Variants in HSD17B12 observed in about 807,000 individuals in gnomAD.
HSD17B12 encodes the protein hydroxysteroid 17-beta dehydrogenase 12.
Under a neutral mutation model 39.3 loss-of-function variants are expected in HSD17B12, and 32 were observed. The observed-to-expected ratio is 0.81, with a 90% CI of 0.61 to 1.09. The LOEUF (loss-of-function observed/expected upper bound fraction) is 1.09. Among genes scored for constraint, HSD17B12 ranks in the 50% least tolerant of loss-of-function variants. HSD17B12 has a pLI of 0.00. For synonymous variants in HSD17B12, 150 were observed against 146.7 expected, an observed-to-expected ratio of 1.02 and a Z score of -0.16; for missense variants, 342 against 382.9, an observed-to-expected ratio of 0.89 and a Z score of 0.89.
At chr11:43,735,472 CTG>C (rs1950308304) in intron 1 of HSD17B12, among the ~76,000 whole-genome samples, 3 of 152,270 alleles carry the variant, frequency 2.0e-5, no homozygotes, top group Admixed American at 6.5e-5. Context: ...TAGTGTGTCA[CTG>C]TAGTTTTGAT....
At position 43,777,506 on chromosome 11, in the gene HSD17B12, G is replaced by T. The variant is rs577506105; in HGVS notation, c.284-20814G>T. Among the ~76,000 whole-genome samples, 13 of 152,268 alleles carry T rather than the reference G, an allele frequency of 8.5e-5. No individual in the cohort carries two copies. In the East Asian group the frequency reaches 2.5e-3, roughly 29 times the overall value. ...GCTTATCAGCTTAAGGAGATTTTGGGCTGAGACAATGGGGTTTTCTAGATA... is the reference window on the plus strand; with the variant it reads ...GCTTATCAGCTTAAGGAGATTTTGGTCTGAGACAATGGGGTTTTCTAGATA... On this transcript the variant is annotated intron_variant, in intron 3 of 10. Transcript: ENST00000278353.
chr11:43,774,992 C>T (rs375602490), intron 3 of HSD17B12, among the ~76,000 whole-genome samples: 18 of 152,128 alleles, frequency 1.2e-4, no homozygotes, highest in East Asian at 7.7e-4. Flanking sequence ...CTCTGGTGGG[C>T]CTCACCCAAT....
rs112543695 is a variant in HSD17B12 at position 43,716,326 on chromosome 11, A to G, written c.161-34585A>G. Among the ~76,000 whole-genome samples, 1,154 of 152,332 alleles carry G rather than the reference A, an allele frequency of 7.6e-3. 14 individuals are homozygous for G. The highest frequency in any genetic ancestry group is 0.027 in the African/African-American group (1,104 of 41,570). ...GTAGGAATTTTGTTTGAAAGTTGGT[A>G]TGCTTTTCTGAATGTCCTTAAGTAT... On this transcript the variant is annotated intron_variant, in intron 1 of 10. Transcript: ENST00000278353.
intron 1 of HSD17B12, among the ~76,000 whole-genome samples, chr11:43,742,950 T>C (rs1950382562): frequency 6.6e-6 from 1 of 152,202 alleles, no homozygotes; most frequent in Non-Finnish European, 1.5e-5. Context: ...ATTTGTACAA[T>C]GTAAAGTCAT....
At chr11:43,657,689 G>T in the HSD17B12 span, among the ~76,000 whole-genome samples, 6 of 152,114 alleles carry the variant, frequency 3.9e-5, 1 homozygote, top group Admixed American at 3.9e-4. Context: ...ATGAAATTCT[G>T]GGTTGAAAAT....
At chr11:43,787,620 C>T (rs1318279835) in intron 3 of HSD17B12, among the ~76,000 whole-genome samples, 1 of 151,750 alleles carries the variant, frequency 6.6e-6, no homozygotes, top group African/African-American at 2.4e-5. Context: ...GCCTGTAATC[C>T]CAGCTTCTTG....
chr11:43,830,001 T>C (rs1206373047), intron 6 of HSD17B12: 1 of 152,246 alleles, frequency 6.6e-6, no homozygotes, highest in East Asian at 1.9e-4. Context: ...TACATCTGGA[T>C]TGGATGTTCA....
the HSD17B12 span, among the ~76,000 whole-genome samples, chr11:43,664,795 A>G: frequency 6.6e-6 from 1 of 152,300 alleles, no homozygotes; most frequent in South Asian, 2.1e-4. Context: ...TAAATTTGCA[A>G]TTAATAGGAT....
the HSD17B12 span, among the ~76,000 whole-genome samples, chr11:43,658,996 G>A: frequency 6.6e-6 from 1 of 152,244 alleles, no homozygotes; most frequent in Non-Finnish European, 1.5e-5. Context: ...TAGAGGTGGA[G>A]CCTAAAGAGT....
the HSD17B12 span, among the ~76,000 whole-genome samples, chr11:43,606,772 G>A: frequency 6.6e-6 from 1 of 152,214 alleles, no homozygotes; most frequent in African/African-American, 2.4e-5. Flanking sequence ...GGGAGAGGAA[G>A]TCTAACTGGG....
the HSD17B12 span, among the ~76,000 whole-genome samples, chr11:43,662,863 A>G: frequency 6.6e-6 from 1 of 152,218 alleles, no homozygotes; most frequent in Non-Finnish European, 1.5e-5. Context: ...TTCAATATGT[A>G]GTAAAGGTCC....
chr11:43,790,597 G>A (rs183327787), intron 3 of HSD17B12, among the ~76,000 whole-genome samples: 1 of 152,198 alleles, frequency 6.6e-6, no homozygotes, highest in African/African-American at 2.4e-5. Flanking sequence ...TGGGTGGTGT[G>A]TACAGCATGG....
chr11:43,618,142 C>G, the HSD17B12 span, among the ~76,000 whole-genome samples: 2 of 152,084 alleles, frequency 1.3e-5, no homozygotes, highest in Non-Finnish European at 2.9e-5. Context: ...TTGTTGTTTT[C>G]TTTTCTTTTT....
chr11:43,612,554 A>G, the HSD17B12 span, among the ~76,000 whole-genome samples: 1 of 152,124 alleles, frequency 6.6e-6, no homozygotes, highest in Admixed American at 6.5e-5. Flanking sequence ...TGCTCCAGAC[A>G]AGGAGGAGAC....
the HSD17B12 span, among the ~76,000 whole-genome samples, chr11:43,650,355 A>G: frequency 1.3e-5 from 2 of 152,222 alleles, no homozygotes; most frequent in Admixed American, 1.3e-4. Flanking sequence ...ATAGGCTAAC[A>G]ACATGAAAAG....
At chr11:43,693,033 G>A (rs1949877147) in intron 1 of HSD17B12, among the ~76,000 whole-genome samples, 1 of 152,212 alleles carries the variant, frequency 6.6e-6, no homozygotes. Flanking sequence ...AATCATGATA[G>A]AATAGCAGAA....
chr11:43,693,355 A>G (rs577140552), intron 1 of HSD17B12, among the ~76,000 whole-genome samples: 15 of 152,324 alleles, frequency 9.8e-5, no homozygotes, highest in African/African-American at 3.6e-4. Context: ...GGACATCATC[A>G]CACATTCCTG....
the HSD17B12 span, among the ~76,000 whole-genome samples, chr11:43,573,273 G>T: frequency 6.6e-6 from 1 of 152,168 alleles, no homozygotes; most frequent in African/African-American, 2.4e-5. Context: ...AGACAGCTCG[G>T]GAAGCCAATT....
intron 7 of HSD17B12, among the ~76,000 whole-genome samples, chr11:43,836,888 C>CA (rs1462131735): frequency 2.6e-5 from 4 of 152,206 alleles, no homozygotes; most frequent in South Asian, 2.1e-4. Context: ...AAGACACAGA[C>CA]AAAAAATACC....
Sources: allele counts gnomAD v4.1 joint callset (sites outside exome capture counted in the v4.1 genomes callset), GRCh38; gene constraint gnomAD v4.1.1; transcripts MANE v1.5; gene names NCBI Gene and HGNC (gene_info 2026-07-23, HGNC 2026-07-21).